OR6C74: variants seen among roughly 807,000 people sequenced by gnomAD.
The protein encoded by OR6C74 is olfactory receptor family 6 subfamily C member 74, also known as olfactory receptor 6C74.
For synonymous variants in OR6C74, 142 were observed against 134.2 expected (o/e 1.06, Z -0.40); for missense variants, 361 against 362.9 (o/e 0.99, Z 0.04).
rs1473140491 is a variant in OR6C74 at position 55,253,421 on chromosome 12, T to C, written c.*5195T>C. 6.6e-6 allele frequency among the ~76,000 whole-genome samples: 1 copy of C among 152,084 alleles called. No homozygotes were observed. Among genetic ancestry groups the C allele is most frequent in the African/African-American group, 2.4e-5 (1 of 41,440 alleles). On this transcript the variant is annotated 3_prime_UTR_variant, in exon 2 of 2. Transcript: ENST00000343399. ...ATGGTGGCACTAGCTTTGAAGCTTT[T>C]CCAAGGATATAATGATGCTGTCTGT... is the stretch of plus-strand genomic sequence containing the variant.
chr12:55,255,556 A>G lies in OR6C74; in HGVS notation c.*7330A>G, dbSNP rs1321989332. ...TTGGAACCAACCCAAATGCCCATCAATGATAGGTTGGATAAAGAAAATGTG... is the reference window on the plus strand; with the variant it reads ...TTGGAACCAACCCAAATGCCCATCAGTGATAGGTTGGATAAAGAAAATGTG... On this transcript the variant is annotated 3_prime_UTR_variant, in exon 2 of 2. Transcript: ENST00000343399. Among the ~76,000 whole-genome samples the G allele has an allele frequency of 3.3e-5, 5 of 151,112 alleles. No individual in the cohort carries two copies. Among genetic ancestry groups the G allele is most frequent in the Non-Finnish European group, 7.4e-5 (5 of 68,020 alleles).
chr12:55,253,783 T>C lies in OR6C74; in HGVS notation c.*5557T>C, dbSNP rs2136316107. 6.6e-6 allele frequency among the ~76,000 whole-genome samples: 1 copy of C among 152,212 alleles called. No individual in the cohort carries two copies. The highest frequency in any genetic ancestry group is 1.5e-5 in the Non-Finnish European group (1 of 67,968). ...AGGACACTAGCGGAAGATTTGGATA[T>C]TAATATGCATGACAGTTTTGCAAAG... is the stretch of plus-strand genomic sequence containing the variant. On this transcript the variant is annotated 3_prime_UTR_variant, in exon 2 of 2. Coordinates refer to ENST00000343399, the MANE Select transcript of OR6C74 (RefSeq NM_001005490.2).
rs1333139695 is a variant in OR6C74 at position 55,252,240 on chromosome 12, A to G, written c.*4014A>G. Among the ~76,000 whole-genome samples, 3 of 151,790 alleles carry G rather than the reference A, an allele frequency of 2.0e-5. No homozygotes were observed. Among genetic ancestry groups the G allele is most frequent in the Non-Finnish European group, 4.4e-5 (3 of 67,776 alleles). On this transcript the variant is annotated 3_prime_UTR_variant, in exon 2 of 2. Coordinates refer to ENST00000343399, the MANE Select transcript of OR6C74 (RefSeq NM_001005490.2). Reference sequence around the variant, plus strand: ...AGCATACTTTATTATACTTGCAAATACTTATGTAATTATTGTGTGAAATGA... The same window carrying G: ...AGCATACTTTATTATACTTGCAAATGCTTATGTAATTATTGTGTGAAATGA...
At position 55,246,911 on chromosome 12, in the gene OR6C74, G is replaced by A. The variant is rs117172475; in HGVS notation, c.-9-368G>A. 3.8e-3 allele frequency among the ~76,000 whole-genome samples: 567 copies of A among 150,796 alleles called. 10 individuals are homozygous for A. The East Asian group carries it at 0.04, about 11-fold the overall frequency. ...AGAAAAAAACTTCATTGAGCAAAGA[G>A]TGAATCACCAGATGGTATAAAATAA... On this transcript the variant is annotated intron_variant, in intron 1 of 1. Transcript: ENST00000343399.
chr12:55,247,425 C>T lies in OR6C74; in HGVS notation c.138C>T (p.Leu46=). 1 of 1,613,630 alleles carries T rather than the reference C, an allele frequency of 6.2e-7. No individual in the cohort carries two copies. Among genetic ancestry groups the T allele is most frequent in the Non-Finnish European group, 8.5e-7 (1 of 1,179,574 alleles). The change falls in exon 2 of 2, where the codon CTC becomes CTT. Residue 46 remains leucine (L), a synonymous_variant. Transcript: ENST00000343399. ...SITGNLTIIT[L]TLLDLHLKTP... is the part of the protein sequence containing the mutation. ...CTGGGAATCTAACCATCATCACTCT[C>T]ACCCTACTGGATTTGCATCTCAAGA...
rs762884597 is a variant in OR6C74 at position 55,255,246 on chromosome 12, T to C, written c.*7020T>C. On this transcript the variant is annotated 3_prime_UTR_variant, in exon 2 of 2. Transcript: ENST00000343399. ...TCTGCTCTACCCATGGAGCCCCCTC[T>C]GCATTGCACCCCCTGGGGACTGGGA... Among the ~76,000 whole-genome samples the C allele has an allele frequency of 3.3e-5, 5 of 152,108 alleles. No homozygotes were observed. The highest frequency in any genetic ancestry group is 2.1e-4 in the South Asian group (1 of 4,830).
At chr12:55,246,407 G>T (rs1954270295) in intron 1 of OR6C74, among the ~76,000 whole-genome samples, 1 of 152,192 alleles carries the variant, frequency 6.6e-6, no homozygotes, top group African/African-American at 2.4e-5. Flanking sequence ...AGGCTGGAGT[G>T]CAGTGGCATG....
In OR6C74 at chr12:55,248,632, G is replaced by A. The variant is rs1254434679; in HGVS notation, c.*406G>A. ...ATCACTTAACGCGTGCATTATTGGT[G>A]GATACAAAAGTGAAATCTGCTTTCT... is the stretch of plus-strand genomic sequence containing the variant. On this transcript the variant is annotated 3_prime_UTR_variant, in exon 2 of 2. Coordinates refer to ENST00000343399, the MANE Select transcript of OR6C74 (RefSeq NM_001005490.2). Among the ~76,000 whole-genome samples, 1 of 152,154 alleles carries A rather than the reference G, an allele frequency of 6.6e-6. No homozygotes were observed. Among genetic ancestry groups the A allele is most frequent in the Non-Finnish European group, 1.5e-5 (1 of 68,030 alleles).
rs1489949751 is a variant in OR6C74 at position 55,247,443 on chromosome 12, T to C, written c.156T>C (p.His52=). ...TIITLTLLDL[H]LKTPMYFFLR... ...TCACTCTCACCCTACTGGATTTGCA[T>C]CTCAAGACACCCATGTATTTCTTCC... is the stretch of plus-strand genomic sequence containing the variant. The change falls in exon 2 of 2, where the codon CAT becomes CAC. Residue 52 remains histidine, a synonymous_variant. Coordinates refer to ENST00000343399, the MANE Select transcript of OR6C74 (RefSeq NM_001005490.2). 4.3e-6 allele frequency: 7 copies of C among 1,613,862 alleles called. No individual in the cohort carries two copies. The highest frequency in any genetic ancestry group is 5.9e-6 in the Non-Finnish European group (7 of 1,179,896).
At chr12:55,246,056 G>A (rs954707217) in intron 1 of OR6C74, among the ~76,000 whole-genome samples, 2 of 152,134 alleles carry the variant, frequency 1.3e-5, no homozygotes, top group Non-Finnish European at 2.9e-5. Context: ...TTCATATACA[G>A]TTTAACATAT....
rs1954279370 is a variant in OR6C74, at chr12:55,247,495, T to A, written c.208T>A (p.Ser70Thr). The A allele has an allele frequency of 6.2e-7, 1 of 1,613,710 alleles. No homozygotes were observed. Among genetic ancestry groups the A allele is most frequent in the Non-Finnish European group, 8.5e-7 (1 of 1,179,834 alleles). The change falls in exon 2 of 2, where the codon TCA becomes ACA. Residue 70 changes from serine to threonine, a missense_variant. Transcript: ENST00000343399. ...FLRNFSFLEV[S>T]FTTVYIPKFL... ...CCGAAATTTCTCATTTTTAGAAGTC[T>A]CATTCACAACTGTCTACATTCCCAA...
chr12:55,245,000 A>G (rs1954261997), intron 1 of OR6C74, among the ~76,000 whole-genome samples, 183 bp downstream of exon 1: 1 of 152,144 alleles, frequency 6.6e-6, no homozygotes, highest in Non-Finnish European at 1.5e-5. Flanking sequence ...TGAAATTGCT[A>G]CTAAATACAT....
Position 55,247,597 on chromosome 12 carries a change from C to T in OR6C74, c.310C>T (p.Leu104Phe). 1 of 1,613,748 alleles carries T rather than the reference C, an allele frequency of 6.2e-7. No individual in the cohort carries two copies. The highest frequency in any genetic ancestry group is 8.5e-7 in the Non-Finnish European group (1 of 1,179,898). ...TGCAGCACAGCTGTTTTTCACTATT[C>T]TCTTGGGGGCAACTGAATTTTTTCT... ...DCAAQLFFTI[L>F]LGATEFFLLA... Residue 104 changes from leucine to phenylalanine, a missense_variant, in exon 2 of 2, where the codon CTC becomes TTC. Transcript: ENST00000343399.
Position 55,251,756 on chromosome 12 carries a change from C to A in OR6C74, c.*3530C>A, listed in dbSNP as rs1954312664. ...TTGTATCATACATATCTCAAAAATT[C>A]TGTTTAGTTTTATCCTTTAAAAATC... On this transcript the variant is annotated 3_prime_UTR_variant, in exon 2 of 2. Coordinates refer to ENST00000343399, the MANE Select transcript of OR6C74 (RefSeq NM_001005490.2). Among the ~76,000 whole-genome samples, 1 of 151,588 alleles carries A rather than the reference C, an allele frequency of 6.6e-6. No homozygotes were observed. The highest frequency in any genetic ancestry group is 1.5e-5 in the Non-Finnish European group (1 of 67,774).
Position 55,251,941 on chromosome 12 carries a change from A to T in OR6C74, c.*3715A>T, listed in dbSNP as rs879519523. Among the ~76,000 whole-genome samples, 13 of 151,722 alleles carry T rather than the reference A, an allele frequency of 8.6e-5. No homozygotes were observed. Among genetic ancestry groups the T allele is most frequent in the Non-Finnish European group, 1.8e-4 (12 of 67,776 alleles). On this transcript the variant is annotated 3_prime_UTR_variant, in exon 2 of 2. Transcript: ENST00000343399. ...TAAGATTACTGTGTTCTCAAAAATT[A>T]TGGACTTGCTTTTCTTTTTATAAGT...
Position 55,247,756 on chromosome 12 carries a change from C to G in OR6C74, c.469C>G (p.Pro157Ala). Reference sequence around the variant, plus strand: ...GGCTGGCTTCCTAATAATTTTTCCGCCACTCCTGATGGGTCTCCAGCTTGA... The same window carrying G: ...GGCTGGCTTCCTAATAATTTTTCCGGCACTCCTGATGGGTCTCCAGCTTGA... ...WMAGFLIIFP[P>A]LLMGLQLDFC... The change falls in exon 2 of 2, where the codon CCA becomes GCA. Residue 157 changes from proline (P) to alanine (A), a missense_variant. Physicochemically the swap from Pro to Ala is conservative, Grantham distance 27. Transcript: ENST00000343399. 1 of 1,613,946 alleles carries G rather than the reference C, an allele frequency of 6.2e-7. No individual in the cohort carries two copies. Among genetic ancestry groups the G allele is most frequent in the Non-Finnish European group, 8.5e-7 (1 of 1,179,966 alleles).
At position 55,252,421 on chromosome 12, in the gene OR6C74, TGA is replaced by T. The variant is rs1954317343; in HGVS notation, c.*4196_*4197del. Among the ~76,000 whole-genome samples, 2 of 151,804 alleles carry T rather than the reference TGA, an allele frequency of 1.3e-5. No homozygotes were observed. The highest frequency in any genetic ancestry group is 2.9e-5 in the Non-Finnish European group (2 of 67,836). On this transcript the variant is annotated 3_prime_UTR_variant, in exon 2 of 2. Transcript: ENST00000343399. ...TCCCATTCAAATATGCTTTTTTTTT[TGA>T]AATTGACTACATTAATGTTAATCAG... is the stretch of plus-strand genomic sequence containing the variant.
chr12:55,252,902 A>G lies in OR6C74; in HGVS notation c.*4676A>G, dbSNP rs1239644401. The stretch of plus-strand genomic sequence containing the variant: ...TTAAATTATTACTTAGCATATCATC[A>G]TACATTTCTGATTTGCTTCTCTTCC... On this transcript the variant is annotated 3_prime_UTR_variant, in exon 2 of 2. Transcript: ENST00000343399. Among the ~76,000 whole-genome samples, 2 of 152,044 alleles carry G rather than the reference A, an allele frequency of 1.3e-5. No homozygotes were observed. Among genetic ancestry groups the G allele is most frequent in the African/African-American group, 2.4e-5 (1 of 41,428 alleles).
intron 1 of OR6C74, chr12:55,247,052 C>T (rs530922030): frequency 6.9e-5 from 28 of 405,776 alleles, no homozygotes; most frequent in Admixed American, 3.3e-4. Context: ...ATTATCCCTT[C>T]GCAATGCTTA....
Sources: gnomAD v4.1 joint callset for allele counts (sites outside exome capture counted in the v4.1 genomes callset) on GRCh38, gnomAD v4.1.1 for gene constraint, MANE v1.5 for transcripts, NCBI Gene and HGNC (gene_info 2026-07-23, HGNC 2026-07-21) for gene names.